The following ASCC3 variants were observed in gnomAD, a reference collection of about 807,000 sequenced individuals.
ASCC3 encodes ASC-1 complex subunit P200.
ASCC3 carries 158 observed loss-of-function variants against 256.3 expected under a neutral mutation model. The ratio of observed to expected loss-of-function variants is 0.62; its 90% CI spans 0.54 to 0.70. ASCC3 has a LOEUF of 0.70. Among genes scored for constraint, ASCC3 ranks in the 30% least tolerant of loss-of-function variants. ASCC3 has a pLI of 0.00. For missense variants in ASCC3, 2,259 were observed against 2,626.0 expected, an observed-to-expected ratio of 0.86 and a Z score of 3.05; for synonymous variants, 948 against 883.4, an observed-to-expected ratio of 1.07 and a Z score of -1.30.
At chr6:100,776,095 A>G (rs1031268121) in intron 8 of ASCC3, among the ~76,000 whole-genome samples, 2 of 152,078 alleles carry the variant, frequency 1.3e-5, no homozygotes, top group African/African-American at 4.8e-5. Flanking sequence ...TTATTGTTTT[A>G]TTTATATTTC....
intron 25 of ASCC3, among the ~76,000 whole-genome samples, chr6:100,636,407 T>A (rs959204620): frequency 2.6e-5 from 4 of 152,148 alleles, no homozygotes; most frequent in African/African-American, 9.7e-5. Flanking sequence ...TGTTCTAACT[T>A]CTCCACTGAC....
At chr6:100,642,487 G>A in intron 24 of ASCC3, 94 bp downstream of exon 24, 1 of 1,310,488 alleles carries the variant, frequency 7.6e-7, no homozygotes, top group Non-Finnish European at 1.1e-6. Context: ...ATGATTACAA[G>A]TAAAACTTTA....
chr6:100,731,061 A>G (rs917333669), intron 10 of ASCC3, among the ~76,000 whole-genome samples: 1 of 152,170 alleles, frequency 6.6e-6, no homozygotes, highest in African/African-American at 2.4e-5. Flanking sequence ...CGGTATTTTC[A>G]TATTAGGAAA....
intron 4 of ASCC3, among the ~76,000 whole-genome samples, chr6:100,830,163 A>G (rs1263334505): frequency 1.3e-5 from 2 of 151,954 alleles, no homozygotes; most frequent in Non-Finnish European, 2.9e-5. Flanking sequence ...CAAAACTTGG[A>G]TAAGAGGGGA....
intron 10 of ASCC3, among the ~76,000 whole-genome samples, chr6:100,749,683 C>A (rs1226474037): frequency 6.6e-6 from 1 of 151,820 alleles, no homozygotes; most frequent in Non-Finnish European, 1.5e-5. Flanking sequence ...CCGTTGACTG[C>A]AATTATCTAA....
At chr6:100,559,352 A>G (rs916399559) in intron 36 of ASCC3, among the ~76,000 whole-genome samples, 9 of 152,220 alleles carry the variant, frequency 5.9e-5, no homozygotes, top group African/African-American at 2.2e-4. Context: ...TCTCAAAACA[A>G]AAGTAAAGGT....
At chr6:100,638,920 T>G in intron 24 of ASCC3, 99 bp from the exon 25 acceptor site, 1 of 1,050,738 alleles carries the variant, frequency 9.5e-7, no homozygotes, top group East Asian at 2.6e-5. Context: ...CCTTAGTTCC[T>G]TAGACAAGGA....
intron 13 of ASCC3, among the ~76,000 whole-genome samples, chr6:100,699,530 T>C (rs1778250708): frequency 6.6e-6 from 1 of 151,438 alleles, no homozygotes; most frequent in East Asian, 2.0e-4. Flanking sequence ...AGTAAATTTG[T>C]ACCAGTAGAG....
At chr6:100,622,620 T>C (rs1375733410) in intron 30 of ASCC3, among the ~76,000 whole-genome samples, 4 of 151,694 alleles carry the variant, frequency 2.6e-5, no homozygotes, top group African/African-American at 9.7e-5. Flanking sequence ...GAACTTAAAA[T>C]AAAAGTTGAA....
Position 100,799,561 on chromosome 6 carries a change from A to C in ASCC3, c.1139T>G (p.Leu380Arg). Residue 380 changes from leucine to arginine, a missense_variant, in exon 7 of 42, where the codon CTT (leucine) becomes CGT (arginine). Physicochemically the swap from Leu to Arg is moderately radical, Grantham distance 102. Transcript: ENST00000369162. ...AATTGGAACACTTCTAGCATTCAGA[A>C]GTGCCTGTTCTCTGTAAACATAAAA... ...KELRIQREQA[L>R]LNARSVPILS... 6.2e-7 allele frequency: 1 copy of C among 1,612,436 alleles called. No homozygotes were observed. Among genetic ancestry groups the C allele is most frequent in the East Asian group, 2.2e-5 (1 of 44,794 alleles).
intron 8 of ASCC3, among the ~76,000 whole-genome samples, chr6:100,772,084 T>C (rs1231335572): frequency 6.6e-6 from 1 of 152,040 alleles, no homozygotes. Context: ...GGTTTCACCA[T>C]GTTAGCCAGG....
chr6:100,642,974 A>G (rs1187766441), intron 23 of ASCC3, among the ~76,000 whole-genome samples: 1 of 152,286 alleles, frequency 6.6e-6, no homozygotes, highest in South Asian at 2.1e-4. Flanking sequence ...TATTATTTAC[A>G]TATGCATATA....
chr6:100,728,858 A>G (rs1779762163), intron 10 of ASCC3, among the ~76,000 whole-genome samples: 1 of 152,130 alleles, frequency 6.6e-6, no homozygotes, highest in Admixed American at 6.6e-5. Context: ...TTATGGGGGC[A>G]TATGTTAGCA....
chr6:100,800,786 C>A (rs1002824046), intron 5 of ASCC3, among the ~76,000 whole-genome samples: 4 of 151,492 alleles, frequency 2.6e-5, no homozygotes, highest in African/African-American at 9.7e-5. Flanking sequence ...ACATTAGGAA[C>A]CTAAAAATTC....
chr6:100,813,617 G>T lies in ASCC3; in HGVS notation c.802-7737C>A, dbSNP rs528423935. 2.6e-5 allele frequency among the ~76,000 whole-genome samples: 4 copies of T among 152,064 alleles called. No individual in the cohort carries two copies. In the South Asian group the frequency reaches 8.3e-4, roughly 32 times the overall value. ...CAAATTACTTTACCCATTATACAGG[G>T]CGTCTGTGTTTGTGTGTGCGTGTAT... On this transcript the variant is annotated intron_variant, in intron 4 of 41. Transcript: ENST00000369162.
intron 10 of ASCC3, among the ~76,000 whole-genome samples, chr6:100,763,094 A>G (rs1235598350): frequency 6.6e-6 from 1 of 152,214 alleles, no homozygotes; most frequent in Non-Finnish European, 1.5e-5. Context: ...CCACAAAAAA[A>G]GTTGAATATG....
intron 36 of ASCC3, among the ~76,000 whole-genome samples, chr6:100,584,891 A>C (rs903035681): frequency 6.6e-6 from 1 of 151,706 alleles, no homozygotes; most frequent in East Asian, 1.9e-4. Context: ...TTCTTTTAAG[A>C]ATGTTGAATA....
At chr6:100,679,559 A>T (rs1777185947) in intron 14 of ASCC3, 59 bp downstream of exon 14, 5 of 1,607,750 alleles carry the variant, frequency 3.1e-6, no homozygotes, top group Non-Finnish European at 4.3e-6. Flanking sequence ...TTCACATATA[A>T]AATACCCGGG....
intron 14 of ASCC3, among the ~76,000 whole-genome samples, chr6:100,676,505 T>G (rs1429402736): frequency 1.3e-5 from 2 of 152,052 alleles, no homozygotes; most frequent in Non-Finnish European, 2.9e-5. Context: ...CAAGCTCCAT[T>G]TCTGAAGGTT....
Sources: allele counts gnomAD v4.1 joint callset (sites outside exome capture counted in the v4.1 genomes callset), GRCh38; gene constraint gnomAD v4.1.1; transcripts MANE v1.5; gene names NCBI Gene and HGNC (gene_info 2026-07-23, HGNC 2026-07-21).